SGCD: variants seen among roughly 807,000 people sequenced by gnomAD.
The protein encoded by SGCD is delta-sarcoglycan.
Under a neutral mutation model 36.6 loss-of-function variants are expected in SGCD, and 18 were observed. The observed-to-expected ratio is 0.49, with a 90% CI of 0.34 to 0.73. The LOEUF (loss-of-function observed/expected upper bound fraction) is 0.73, where lower values mean the gene tolerates loss of function less well. SGCD is among the 30% of genes least tolerant of loss of function. The pLI is 0.01. For synonymous variants in SGCD, 133 were observed against 130.6 expected, an observed-to-expected ratio of 1.02 and a Z score of -0.12; for missense variants, 387 against 346.7, an observed-to-expected ratio of 1.12 and a Z score of -0.92.
chr5:156,125,205 A>G (rs938236924), intron 3 of SGCD, among the ~76,000 whole-genome samples: 42 of 152,172 alleles, frequency 2.8e-4, no homozygotes, highest in African/African-American at 8.7e-4. Context: ...TCATAACCCA[A>G]AGGTTTCTGG....
At chr5:156,225,642 G>A (rs1764834883) in intron 3 of SGCD, among the ~76,000 whole-genome samples, 1 of 152,024 alleles carries the variant, frequency 6.6e-6, no homozygotes. Context: ...TGCCAAGTTT[G>A]CCTGTAGTTG....
intron 1 of SGCD, among the ~76,000 whole-genome samples, chr5:156,003,582 G>A (rs770261317): frequency 6.6e-6 from 1 of 152,178 alleles, no homozygotes. Flanking sequence ...ATACATCTGG[G>A]CATGTTGCAG....
intron 3 of SGCD, among the ~76,000 whole-genome samples, chr5:156,417,652 G>A (rs1184802175): frequency 6.6e-6 from 1 of 152,096 alleles, no homozygotes; most frequent in Non-Finnish European, 1.5e-5. Context: ...GAGCACTGGT[G>A]TCTTTTTTCT....
chr5:156,527,343 A>C (rs1757686769), intron 4 of SGCD, among the ~76,000 whole-genome samples: 1 of 152,214 alleles, frequency 6.6e-6, no homozygotes, highest in African/African-American at 2.4e-5. Context: ...ATATAAGGGG[A>C]GTCCATAGCA....
At chr5:155,847,656 C>T in the SGCD span, among the ~76,000 whole-genome samples, 1 of 151,990 alleles carries the variant, frequency 6.6e-6, no homozygotes, top group Non-Finnish European at 1.5e-5. Context: ...GTCCACATAC[C>T]CTGGGGCTAT....
At chr5:155,940,400 A>C (rs1445718377) in intron 1 of SGCD, among the ~76,000 whole-genome samples, 1 of 152,186 alleles carries the variant, frequency 6.6e-6, no homozygotes, top group Non-Finnish European at 1.5e-5. Flanking sequence ...TGGCTCCAAC[A>C]TATTCTAGAT....
At chr5:155,959,208 C>T (rs185641418) in intron 1 of SGCD, among the ~76,000 whole-genome samples, 2 of 152,126 alleles carry the variant, frequency 1.3e-5, no homozygotes, top group Non-Finnish European at 2.9e-5. Flanking sequence ...CATTAATAGC[C>T]GTCCACACTC....
At chr5:156,201,461 T>C (rs912366342) in intron 3 of SGCD, among the ~76,000 whole-genome samples, 1 of 152,194 alleles carries the variant, frequency 6.6e-6, no homozygotes, top group African/African-American at 2.4e-5. Context: ...GCTGCCATCA[T>C]AACACAATGT....
chr5:156,270,944 C>G (rs1213073111), intron 3 of SGCD, among the ~76,000 whole-genome samples: 2 of 152,140 alleles, frequency 1.3e-5, no homozygotes, highest in Admixed American at 1.3e-4. Context: ...AAAATAGACA[C>G]TGAACTTTTC....
chr5:155,933,054 A>T (rs1277395964), intron 1 of SGCD, among the ~76,000 whole-genome samples: 1 of 152,202 alleles, frequency 6.6e-6, no homozygotes, highest in Non-Finnish European at 1.5e-5. Context: ...TGCTTTGTCC[A>T]CTGTTAGAGA....
chr5:156,237,828 T>C (rs558180615), intron 3 of SGCD, among the ~76,000 whole-genome samples: 32 of 152,240 alleles, frequency 2.1e-4, no homozygotes, highest in African/African-American at 7.2e-4. Context: ...ATGTGCCAGA[T>C]ACTGGAGATA....
chr5:155,817,981 C>CA, the SGCD span, among the ~76,000 whole-genome samples: 3 of 152,174 alleles, frequency 2.0e-5, no homozygotes, highest in African/African-American at 7.2e-5. Flanking sequence ...AGGAAAGTTT[C>CA]ACTGCAGATT....
In SGCD at chr5:156,490,385, A is replaced by G. The variant is rs527725454; in HGVS notation, c.193-18216A>G. On this transcript the variant is annotated intron_variant, in intron 3 of 8. Coordinates refer to ENST00000337851, the MANE Select transcript of SGCD (RefSeq NM_000337.6). ...GCAGCATTACCCTGATTTCAAAACC[A>G]GACAAGGACACAAGAAAAATAGCAA... is the stretch of plus-strand genomic sequence containing the variant. 6.3e-4 allele frequency among the ~76,000 whole-genome samples: 96 copies of G among 152,122 alleles called. 1 individual carries two copies. Among genetic ancestry groups the G allele is most frequent in the African/African-American group, 2.2e-3 (90 of 41,536 alleles).
chr5:156,269,488 A>G (rs1287659783), intron 3 of SGCD, among the ~76,000 whole-genome samples: 2 of 143,672 alleles, frequency 1.4e-5, no homozygotes, highest in Non-Finnish European at 3.0e-5. Context: ...AAAAAAAAAA[A>G]AAAAAAAAAA....
intron 1 of SGCD, among the ~76,000 whole-genome samples, chr5:156,031,498 C>T (rs1300120572): frequency 6.6e-6 from 1 of 152,092 alleles, no homozygotes; most frequent in East Asian, 1.9e-4. Context: ...AAAAATTATT[C>T]CAGATTTTTG....
intron 3 of SGCD, among the ~76,000 whole-genome samples, chr5:156,374,778 C>G (rs188411216): frequency 6.6e-6 from 1 of 151,396 alleles, no homozygotes; most frequent in East Asian, 2.0e-4. Context: ...TCTCCCAAAG[C>G]AACACTGTCT....
At chr5:156,645,656 C>G (rs1324746558) in intron 6 of SGCD, among the ~76,000 whole-genome samples, 1 of 152,030 alleles carries the variant, frequency 6.6e-6, no homozygotes, top group Non-Finnish European at 1.5e-5. Context: ...AAATCCCACC[C>G]CTCCGACCCC....
chr5:156,411,133 G>GT (rs1445626460), intron 3 of SGCD, among the ~76,000 whole-genome samples: 1 of 152,146 alleles, frequency 6.6e-6, no homozygotes, highest in Non-Finnish European at 1.5e-5. Flanking sequence ...CAGTTACACA[G>GT]TAAAAACTCA....
intron 1 of SGCD, among the ~76,000 whole-genome samples, chr5:156,086,588 AG>A: frequency 6.6e-6 from 1 of 152,340 alleles, no homozygotes; most frequent in Admixed American, 6.5e-5. Context: ...GCATCATACC[AG>A]GCACAGTCAG....
Sources: allele counts gnomAD v4.1 joint callset (sites outside exome capture counted in the v4.1 genomes callset), GRCh38; gene constraint gnomAD v4.1.1; transcripts MANE v1.5; gene names NCBI Gene and HGNC (gene_info 2026-07-23, HGNC 2026-07-21).